The following CDK14 variants were observed in gnomAD, a reference collection of about 807,000 sequenced individuals.
CDK14 encodes cyclin-dependent kinase 14.
CDK14 carries 34 observed loss-of-function variants against 60.7 expected under a neutral mutation model. The ratio of observed to expected loss-of-function variants is 0.56; its 90% CI spans 0.43 to 0.75. The LOEUF (loss-of-function observed/expected upper bound fraction) is 0.75, where lower values mean the gene tolerates loss of function less well. Ranked by LOEUF, CDK14 falls within the 30% of genes least tolerant of loss-of-function variation. CDK14 has a pLI of 0.00. For missense variants in CDK14, 482 were observed against 564.1 expected (o/e 0.85, Z 1.47); for synonymous variants, 197 against 203.7 (o/e 0.97, Z 0.28).
intron 2 of CDK14, among the ~76,000 whole-genome samples, chr7:90,664,243 C>T (rs1343399859): frequency 5.3e-5 from 8 of 152,322 alleles, no homozygotes; most frequent in Middle Eastern, 3.4e-3. Flanking sequence ...AATGAGATTC[C>T]ATCTCACACC....
At chr7:90,886,343 T>C (rs1030742936) in intron 6 of CDK14, among the ~76,000 whole-genome samples, 1 of 152,194 alleles carries the variant, frequency 6.6e-6, no homozygotes, top group Non-Finnish European at 1.5e-5. Flanking sequence ...TACTAATTTG[T>C]TTTGAAGTAA....
chr7:90,918,871 A>T (rs550429339), intron 8 of CDK14, among the ~76,000 whole-genome samples: 7 of 152,236 alleles, frequency 4.6e-5, no homozygotes, highest in Non-Finnish European at 1.0e-4. Flanking sequence ...GAAAAATGAA[A>T]TAAAACAAAA....
chr7:90,910,163 CT>C (rs1232081696), intron 7 of CDK14, among the ~76,000 whole-genome samples: 1 of 152,100 alleles, frequency 6.6e-6, no homozygotes, highest in Non-Finnish European at 1.5e-5. Context: ...TTTTATTTCT[CT>C]TTTTTTATAT....
intron 2 of CDK14, among the ~76,000 whole-genome samples, chr7:90,673,719 T>A (rs1389962767): frequency 6.6e-6 from 1 of 152,210 alleles, no homozygotes; most frequent in Admixed American, 6.5e-5. Flanking sequence ...ATCACAAACC[T>A]ATGGTTTTGT....
At chr7:90,874,242 G>A (rs893903282) in intron 6 of CDK14, among the ~76,000 whole-genome samples, 1 of 151,962 alleles carries the variant, frequency 6.6e-6, no homozygotes, top group African/African-American at 2.4e-5. Flanking sequence ...TTGTTGTTGA[G>A]GCATTGTATT....
At chr7:90,755,600 C>T (rs1013540563) in intron 4 of CDK14, among the ~76,000 whole-genome samples, 8 of 151,970 alleles carry the variant, frequency 5.3e-5, no homozygotes, top group African/African-American at 1.5e-4. Context: ...ACATGTAGCC[C>T]CGTAATCTAA....
intron 2 of CDK14, among the ~76,000 whole-genome samples, chr7:90,655,896 G>A (rs1800742083): frequency 6.6e-6 from 1 of 152,162 alleles, no homozygotes; most frequent in South Asian, 2.1e-4. Context: ...TTCTGGTTCA[G>A]TGTTGAGCCA....
At chr7:91,187,353 G>A (rs927476107) in intron 14 of CDK14, among the ~76,000 whole-genome samples, 1 of 152,148 alleles carries the variant, frequency 6.6e-6, no homozygotes, top group Non-Finnish European at 1.5e-5. Context: ...AAGACAGATG[G>A]TCAGCAACTT....
chr7:90,993,504 A>C (rs1198137705), intron 10 of CDK14, among the ~76,000 whole-genome samples: 1 of 151,790 alleles, frequency 6.6e-6, no homozygotes, highest in Non-Finnish European at 1.5e-5. Flanking sequence ...TGGATGAAAA[A>C]TTTTTCTGAA....
chr7:90,845,451 T>C (rs1360935992), intron 5 of CDK14, among the ~76,000 whole-genome samples: 1 of 152,066 alleles, frequency 6.6e-6, no homozygotes, highest in African/African-American at 2.4e-5. Flanking sequence ...GAAAATTGAT[T>C]AAGTCCCTTA....
chr7:90,849,407 G>A (rs1014250087), intron 5 of CDK14, among the ~76,000 whole-genome samples: 11 of 152,008 alleles, frequency 7.2e-5, no homozygotes. Context: ...CCCAGCCTCA[G>A]TATTTCTTTA....
At chr7:91,203,601 A>G (rs1028111323) in intron 14 of CDK14, among the ~76,000 whole-genome samples, 12 of 152,190 alleles carry the variant, frequency 7.9e-5, no homozygotes, top group Admixed American at 7.2e-4. Context: ...TCATTTGGAT[A>G]TAGTTGTAGG....
At chr7:91,128,922 CATTCTT>C (rs1056592228) in intron 14 of CDK14, among the ~76,000 whole-genome samples, 5 of 152,148 alleles carry the variant, frequency 3.3e-5, no homozygotes, top group Admixed American at 3.3e-4. Context: ...TACATATTGA[CATTCTT>C]ATGTTTATCA....
intron 2 of CDK14, among the ~76,000 whole-genome samples, chr7:90,617,195 A>G (rs1799669385): frequency 6.6e-6 from 1 of 152,118 alleles, no homozygotes; most frequent in Admixed American, 6.6e-5. Flanking sequence ...ATCTGAAAAA[A>G]AGGAAATACA....
At position 91,129,098 on chromosome 7, in the gene CDK14, T is replaced by C. The variant is rs75013948; in HGVS notation, c.*28+10890T>C. Among the ~76,000 whole-genome samples the C allele has an allele frequency of 6.2e-4, 94 of 152,310 alleles. 1 individual carries two copies. The East Asian group carries it at 0.015, about 24-fold the overall frequency. On this transcript the variant is annotated intron_variant, in intron 14 of 14. Transcript: ENST00000380050. ...TCTTTTATGTCAGCAGATCTCAAAGTGTGGTCCATATACCATGTGGATCCC... is the reference window on the plus strand; with the variant it reads ...TCTTTTATGTCAGCAGATCTCAAAGCGTGGTCCATATACCATGTGGATCCC...
intron 2 of CDK14, among the ~76,000 whole-genome samples, chr7:90,614,827 AAATT>A (rs1449748435): frequency 6.6e-6 from 1 of 152,012 alleles, no homozygotes; most frequent in East Asian, 1.9e-4. Flanking sequence ...AATTTTCTTA[AAATT>A]AATTAATTTA....
intron 4 of CDK14, among the ~76,000 whole-genome samples, chr7:90,783,090 A>G (rs925108247): frequency 7.2e-5 from 11 of 152,132 alleles, no homozygotes; most frequent in Admixed American, 3.9e-4. Context: ...ATTTTTTCCT[A>G]TGAACTTTAT....
chr7:90,742,958 G>C (rs1803413734), intron 3 of CDK14, among the ~76,000 whole-genome samples: 2 of 151,936 alleles, frequency 1.3e-5, no homozygotes, highest in African/African-American at 2.4e-5. Flanking sequence ...TTAGGAAGGG[G>C]ACCCCAAGTC....
At chr7:91,025,306 T>C (rs999697665) in intron 10 of CDK14, among the ~76,000 whole-genome samples, 1 of 152,140 alleles carries the variant, frequency 6.6e-6, no homozygotes, top group African/African-American at 2.4e-5. Context: ...ATGAGCCTGT[T>C]AAGGTAGAGA....
Sources: allele counts gnomAD v4.1 joint callset (sites outside exome capture counted in the v4.1 genomes callset), GRCh38; gene constraint gnomAD v4.1.1; transcripts MANE v1.5; gene names NCBI Gene and HGNC (gene_info 2026-07-23, HGNC 2026-07-21).